FAM20B: variants seen among roughly 807,000 people sequenced by gnomAD.
The protein encoded by FAM20B is FAM20B glycosaminoglycan xylosylkinase.
In FAM20B, 23 loss-of-function variants were observed where a neutral mutation model predicts 43.8. The observed-to-expected ratio is 0.53, with a 90% CI of 0.38 to 0.74. The LOEUF is 0.74. Among genes scored for constraint, FAM20B ranks in the 30% least tolerant of loss-of-function variants. The pLI is 0.00. For synonymous variants in FAM20B, 178 were observed against 192.4 expected (o/e 0.93, Z 0.62); for missense variants, 440 against 510.5 (o/e 0.86, Z 1.33).
chr1:179,017,538 G>A, the FAM20B span, among the ~76,000 whole-genome samples: 2 of 152,096 alleles, frequency 1.3e-5, no homozygotes, highest in Admixed American at 6.5e-5. Context: ...AGATTTGCAG[G>A]GCTGGAATTA....
chr1:179,060,406 C>T (rs1193158525), intron 4 of FAM20B, among the ~76,000 whole-genome samples: 1 of 152,124 alleles, frequency 6.6e-6, no homozygotes, highest in Non-Finnish European at 1.5e-5. Flanking sequence ...CAGTCTGTGG[C>T]GTGGTAGGAA....
intron 1 of FAM20B, among the ~76,000 whole-genome samples, chr1:179,027,626 T>C (rs938082983): frequency 3.3e-5 from 5 of 152,256 alleles, no homozygotes; most frequent in African/African-American, 1.2e-4. Context: ...CACACAAGTA[T>C]AATTCAGACT....
At chr1:179,064,590 A>G (rs1651614672) in intron 6 of FAM20B, 94 bp downstream of exon 6, 2 of 947,884 alleles carry the variant, frequency 2.1e-6, no homozygotes, top group South Asian at 1.7e-5. Flanking sequence ...CCAGAATGCA[A>G]TTGATAGGCA....
chr1:179,066,910 C>A, intron 7 of FAM20B, 51 bp downstream of exon 7: 1 of 1,307,288 alleles, frequency 7.6e-7, no homozygotes, highest in Non-Finnish European at 1.1e-6. Flanking sequence ...CTTTTCCAGG[C>A]TCAGGTAACA....
chr1:179,042,031 G>A (rs892817735), intron 1 of FAM20B, among the ~76,000 whole-genome samples: 2 of 152,174 alleles, frequency 1.3e-5, no homozygotes, highest in African/African-American at 4.8e-5. Flanking sequence ...AAAATTTTCA[G>A]TGTATGTGGT....
At chr1:179,071,405 G>C (rs2025580) in intron 7 of FAM20B, among the ~76,000 whole-genome samples, 1 of 152,072 alleles carries the variant, frequency 6.6e-6, no homozygotes, top group African/African-American at 2.4e-5. Context: ...AAGGATTAAC[G>C]TCTAAGGATC....
At chr1:179,050,781 A>T (rs545267031) in intron 3 of FAM20B, among the ~76,000 whole-genome samples, 106 of 152,342 alleles carry the variant, frequency 7.0e-4, no homozygotes, top group Non-Finnish European at 1.3e-3. Context: ...TATGAGTTTT[A>T]TTATTCTTTA....
At chr1:179,036,557 G>A (rs1262195434) in intron 1 of FAM20B, among the ~76,000 whole-genome samples, 4 of 152,102 alleles carry the variant, frequency 2.6e-5, no homozygotes, top group Middle Eastern at 3.2e-3. Flanking sequence ...GTGAATTTGC[G>A]TTTATTTCCT....
At chr1:179,063,143 G>A (rs1463319375) in intron 4 of FAM20B, among the ~76,000 whole-genome samples, 1 of 152,122 alleles carries the variant, frequency 6.6e-6, no homozygotes, top group African/African-American at 2.4e-5. Flanking sequence ...CAAGCATGGT[G>A]GCATGCGCCT....
upstream of FAM20B, among the ~76,000 whole-genome samples, chr1:179,024,701 T>C (rs995962558): frequency 3.3e-5 from 5 of 152,246 alleles, no homozygotes; most frequent in African/African-American, 1.2e-4. Context: ...CCGGAGCAAG[T>C]GTCAAGCCCA....
At chr1:179,047,598 AT>A (rs1650829523) in intron 2 of FAM20B, among the ~76,000 whole-genome samples, 1 of 152,186 alleles carries the variant, frequency 6.6e-6, no homozygotes. Context: ...GGCCCCTGCC[AT>A]AGGTGCTAAC....
At chr1:179,054,456 T>A in intron 3 of FAM20B, 73 bp from the exon 4 acceptor site, 1 of 927,788 alleles carries the variant, frequency 1.1e-6, no homozygotes, top group South Asian at 1.4e-5. Context: ...TGATGAACTG[T>A]AATTTTTAAG....
At chr1:179,045,677 G>A (rs1650735896) in intron 2 of FAM20B, among the ~76,000 whole-genome samples, 1 of 152,104 alleles carries the variant, frequency 6.6e-6, no homozygotes. Flanking sequence ...GGCCGAGGTG[G>A]GTGGATCACT....
chr1:179,043,308 G>A (rs957314574), intron 1 of FAM20B, among the ~76,000 whole-genome samples: 21 of 152,204 alleles, frequency 1.4e-4, no homozygotes, highest in African/African-American at 4.1e-4. Context: ...GAGTGGGTGC[G>A]GGGAGTGGGG....
At chr1:179,047,478 C>T (rs924008857) in intron 2 of FAM20B, among the ~76,000 whole-genome samples, 2 of 152,142 alleles carry the variant, frequency 1.3e-5, no homozygotes, top group African/African-American at 4.8e-5. Flanking sequence ...TCCTTTTGCT[C>T]TTTGTTTCTG....
At chr1:179,062,020 T>TA (rs1488969005) in intron 4 of FAM20B, among the ~76,000 whole-genome samples, 1 of 151,922 alleles carries the variant, frequency 6.6e-6, no homozygotes, top group African/African-American at 2.4e-5. Flanking sequence ...GTTCCTTTTT[T>TA]TTTTGAGATG....
intron 2 of FAM20B, among the ~76,000 whole-genome samples, chr1:179,047,211 C>T (rs1650809621): frequency 1.3e-5 from 2 of 152,264 alleles, no homozygotes; most frequent in South Asian, 4.1e-4. Flanking sequence ...ACAGATAATG[C>T]ATAACCTTAG....
chr1:179,065,407 G>A (rs897413084), intron 6 of FAM20B, among the ~76,000 whole-genome samples: 1 of 152,132 alleles, frequency 6.6e-6, no homozygotes, highest in African/African-American at 2.4e-5. Context: ...AAAGTGCTGG[G>A]ATTACAGGTG....
At chr1:179,052,834 G>A (rs1272057737) in intron 3 of FAM20B, among the ~76,000 whole-genome samples, 1 of 151,980 alleles carries the variant, frequency 6.6e-6, no homozygotes, top group Non-Finnish European at 1.5e-5. Context: ...TCTTTTCTTC[G>A]TCCCCAACTC....
Sources: gnomAD v4.1 joint callset for allele counts (sites outside exome capture counted in the v4.1 genomes callset) on GRCh38, gnomAD v4.1.1 for gene constraint, MANE v1.5 for transcripts, NCBI Gene and HGNC (gene_info 2026-07-23, HGNC 2026-07-21) for gene names.